Variants in ATAD2B observed in about 807,000 individuals in gnomAD.
ATAD2B encodes the protein ATPase family AAA domain-containing protein 2B.
In ATAD2B, 40 loss-of-function variants were observed where a neutral mutation model predicts 167.6. The observed-to-expected ratio is 0.24, with a 90% CI of 0.19 to 0.31. The LOEUF (loss-of-function observed/expected upper bound fraction) is 0.31. Ranked by LOEUF, ATAD2B falls within the 10% of genes least tolerant of loss-of-function variation. The probability of loss-of-function intolerance (pLI) is 1.00; values close to 1 mark genes in which losing one functional copy is unlikely to be tolerated. For synonymous variants in ATAD2B, 579 were observed against 596.5 expected (o/e 0.97, Z 0.43); for missense variants, 1,242 against 1,757.2 (o/e 0.71, Z 5.24).
In ATAD2B at chr2:23,819,868, T is replaced by G; in HGVS notation, c.2146A>C (p.Ile716Leu). The G allele has an allele frequency of 6.3e-7, 1 of 1,581,290 alleles. No individual in the cohort carries two copies. Among genetic ancestry groups the G allele is most frequent in the Non-Finnish European group, 8.7e-7 (1 of 1,152,914 alleles). The change falls in exon 17 of 28, where the codon ATT becomes CTT. Residue 716 changes from isoleucine (I) to leucine (L), a missense_variant. Around this residue, in one of 9 missense-constraint regions of ATAD2B, gnomAD observed 145 missense variants for 181.9 expected, o/e 0.80. Transcript: ENST00000238789. ...SDKKEDIETLILEDSEDENAL... is the reference protein window; with the variant it reads ...SDKKEDIETLLLEDSEDENAL... ...TTTTCATCTTCACTATCCTCTAAAA[T>G]TAAAGTTTCTATATCTGTTTAAAAA...
At chr2:23,823,219 TGTTTC>T in intron 16 of ATAD2B, 34 bp downstream of exon 16, 1 of 1,426,168 alleles carries the variant, frequency 7.0e-7, no homozygotes, top group South Asian at 1.3e-5. Flanking sequence ...TTCCTGTATT[TGTTTC>T]ATCTTAACAA....
At chr2:23,686,313 A>T in the ATAD2B span, among the ~76,000 whole-genome samples, 2 of 151,126 alleles carry the variant, frequency 1.3e-5, no homozygotes, top group Admixed American at 1.3e-4. Flanking sequence ...GGTGGCCCTC[A>T]TCAGAAAGGA....
At chr2:23,784,818 TA>T (rs1191176030) in intron 21 of ATAD2B, among the ~76,000 whole-genome samples, 1 of 152,116 alleles carries the variant, frequency 6.6e-6, no homozygotes, top group East Asian at 1.9e-4. Context: ...TTTATTAATT[TA>T]AAAAGCCAAT....
At chr2:23,787,801 G>A (rs965166998) in intron 20 of ATAD2B, among the ~76,000 whole-genome samples, 4 of 151,984 alleles carry the variant, frequency 2.6e-5, no homozygotes, top group African/African-American at 7.2e-5. Flanking sequence ...GAGGCTGAAA[G>A]ATTAAGCAGG....
chr2:23,833,164 T>C (rs1689337678), intron 14 of ATAD2B, among the ~76,000 whole-genome samples: 1 of 152,234 alleles, frequency 6.6e-6, no homozygotes, highest in Non-Finnish European at 1.5e-5. Context: ...CCATTGCCTT[T>C]GTTTCTCTAT....
intron 9 of ATAD2B, among the ~76,000 whole-genome samples, chr2:23,868,662 T>C (rs907443619): frequency 7.9e-5 from 12 of 151,842 alleles, no homozygotes; most frequent in African/African-American, 2.9e-4. Context: ...TCCATTTTTT[T>C]CAAAAAAAAA....
intron 1 of ATAD2B, among the ~76,000 whole-genome samples, chr2:23,906,624 A>C (rs1374238659): frequency 2.0e-5 from 3 of 152,130 alleles, no homozygotes; most frequent in African/African-American, 7.2e-5. Flanking sequence ...TTATGAGGCC[A>C]GCATCATCCT....
At chr2:23,819,908 T>C in intron 16 of ATAD2B, 26 bp from the exon 17 acceptor site, 1 of 1,526,662 alleles carries the variant, frequency 6.6e-7, no homozygotes, top group Non-Finnish European at 8.9e-7. Context: ...ACAATGGTTA[T>C]GGGGCTTATA....
chr2:23,810,556 T>C (rs1685396804), intron 17 of ATAD2B, 54 bp from the exon 18 acceptor site: 1 of 1,462,870 alleles, frequency 6.8e-7, no homozygotes, highest in East Asian at 2.3e-5. Flanking sequence ...TGAAGACAAA[T>C]ATGAAATATC....
the ATAD2B span, among the ~76,000 whole-genome samples, chr2:23,682,122 ACTTC>A: frequency 6.8e-6 from 1 of 147,322 alleles, no homozygotes; most frequent in African/African-American, 2.5e-5. This position sits in a 1 kb window ranked among gnomAD's most constrained non-coding sequence, Gnocchi z 4.1. Flanking sequence ...CCCCCTCCCC[ACTTC>A]CTTCCTGCAC....
chr2:23,703,598 CCAAT>C, the ATAD2B span: 3 of 1,270,390 alleles, frequency 2.4e-6, no homozygotes, highest in Non-Finnish European at 2.1e-6. Flanking sequence ...CATCCCCAGG[CCAAT>C]CAGTCACTTG....
chr2:23,918,485 T>C (rs1400873079), intron 1 of ATAD2B, among the ~76,000 whole-genome samples: 1 of 152,086 alleles, frequency 6.6e-6, no homozygotes, highest in Non-Finnish European at 1.5e-5. Flanking sequence ...GGAAAAATAC[T>C]GCAAAAACAA....
chr2:23,876,797 A>G (rs1401716790), intron 7 of ATAD2B, among the ~76,000 whole-genome samples: 3 of 151,870 alleles, frequency 2.0e-5, no homozygotes, highest in Admixed American at 6.6e-5. Flanking sequence ...GCTGGGTGCA[A>G]TGGCTCACAC....
chr2:23,879,708 G>A (rs1486502759), intron 7 of ATAD2B, among the ~76,000 whole-genome samples: 1 of 152,082 alleles, frequency 6.6e-6, no homozygotes, highest in Non-Finnish European at 1.5e-5. Context: ...AGCTGCAGCC[G>A]TATACTATTT....
At chr2:23,806,287 G>A (rs1324763516) in intron 18 of ATAD2B, 1 of 152,136 alleles carries the variant, frequency 6.6e-6, no homozygotes, top group Non-Finnish European at 1.5e-5. Context: ...CCTACTGGAG[G>A]AGCTTGCCAG....
At chr2:23,836,468 AT>A (rs938235738) in intron 13 of ATAD2B, among the ~76,000 whole-genome samples, 5 of 152,166 alleles carry the variant, frequency 3.3e-5, no homozygotes, top group Non-Finnish European at 7.4e-5. Flanking sequence ...AGCAAGGGGC[AT>A]GTTTCAGCCC....
chr2:23,684,653 G>A, the ATAD2B span: 1 of 861,304 alleles, frequency 1.2e-6, no homozygotes, highest in Non-Finnish European at 1.7e-6. The surrounding 1 kb of genome is among the most constrained non-coding windows in gnomAD (Gnocchi z 4.4). Flanking sequence ...CACAGAGCCA[G>A]TAGCCATCTC....
At chr2:23,857,287 T>C (rs1693577744) in intron 13 of ATAD2B, 128 bp downstream of exon 13, 3 of 527,912 alleles carry the variant, frequency 5.7e-6, no homozygotes, top group African/African-American at 4.1e-5. Flanking sequence ...GAGAAAGAAG[T>C]AGTCCTCACA....
intron 24 of ATAD2B, among the ~76,000 whole-genome samples, chr2:23,760,699 T>TATACACAC (rs1313618301): frequency 8.1e-6 from 1 of 123,700 alleles, no homozygotes; most frequent in African/African-American, 3.0e-5. Flanking sequence ...TTTATATATA[T>TATACACAC]ACACACACAC....
Sources: allele counts gnomAD v4.1 joint callset (sites outside exome capture counted in the v4.1 genomes callset), GRCh38; gene constraint gnomAD v4.1.1; regional missense constraint gnomAD v4.1.1; non-coding constraint Gnocchi (gnomAD v3.1); transcripts MANE v1.5; gene names NCBI Gene and HGNC (gene_info 2026-07-23, HGNC 2026-07-21).